CPNE8: variants seen among roughly 807,000 people sequenced by gnomAD.
CPNE8 encodes copine 8.
Under a neutral mutation model 81.5 loss-of-function variants are expected in CPNE8, and 45 were observed. The ratio of observed to expected loss-of-function variants is 0.55; its 90% CI spans 0.44 to 0.71. The LOEUF (loss-of-function observed/expected upper bound fraction) is 0.71, where lower values mean the gene tolerates loss of function less well. CPNE8 is among the 30% of genes least tolerant of loss of function. The pLI is 0.00. For synonymous variants in CPNE8, 252 were observed against 226.3 expected (o/e 1.11, Z -1.02); for missense variants, 594 against 672.1 (o/e 0.88, Z 1.28).
intron 11 of CPNE8, among the ~76,000 whole-genome samples, chr12:38,729,953 C>T (rs888240335): frequency 1.2e-4 from 15 of 127,074 alleles, no homozygotes; most frequent in African/African-American, 4.0e-4. Context: ...CACAAAAATG[C>T]TAATCTTCTT....
intron 3 of CPNE8, among the ~76,000 whole-genome samples, chr12:38,855,311 C>A (rs1393433854): frequency 1.3e-5 from 2 of 151,940 alleles, no homozygotes; most frequent in African/African-American, 4.8e-5. Flanking sequence ...GGCCATATTA[C>A]ATAAATGATG....
Position 38,754,544 on chromosome 12 carries a change from A to T in CPNE8, c.722+6303T>A, listed in dbSNP as rs140898196. On this transcript the variant is annotated intron_variant, in intron 10 of 19. Transcript: ENST00000331366. Reference sequence around the variant, plus strand: ...GAGTGCTCAATAACAATTTCTTCATAAATTAATTAATATAATTTCTATTGA... The same window carrying T: ...GAGTGCTCAATAACAATTTCTTCATTAATTAATTAATATAATTTCTATTGA... 4.7e-3 allele frequency among the ~76,000 whole-genome samples: 711 copies of T among 152,138 alleles called. 5 individuals are homozygous for T. Among genetic ancestry groups the T allele is most frequent in the African/African-American group, 0.016 (660 of 41,488 alleles).
intron 10 of CPNE8, among the ~76,000 whole-genome samples, chr12:38,741,335 T>C (rs1331977993): frequency 6.6e-6 from 1 of 152,022 alleles, no homozygotes; most frequent in East Asian, 1.9e-4. Context: ...AAAACAGAGA[T>C]ATAGACCAAT....
Position 38,806,341 on chromosome 12 carries a change from C to G in CPNE8, c.407+23038G>C, listed in dbSNP as rs1379359256. Among the ~76,000 whole-genome samples, 3 of 149,494 alleles carry G rather than the reference C, an allele frequency of 2.0e-5. 1 individual carries two copies. The highest frequency in any genetic ancestry group is 4.5e-5 in the Non-Finnish European group (3 of 67,188). On this transcript the variant is annotated intron_variant, in intron 6 of 19. Transcript: ENST00000331366. ...CCAATATCCTTGATGAACATTGATG[C>G]AAAAATCCTCAATAAAATACTGGCA...
chr12:38,766,849 AATTTTTTG>A (rs1941702048), intron 8 of CPNE8, among the ~76,000 whole-genome samples: 1 of 152,132 alleles, frequency 6.6e-6, no homozygotes, highest in Non-Finnish European at 1.5e-5. Context: ...CAAACTTAGT[AATTTTTTG>A]TATAGTAACT....
At chr12:38,719,311 G>C (rs954489362) in intron 13 of CPNE8, among the ~76,000 whole-genome samples, 4 of 152,050 alleles carry the variant, frequency 2.6e-5, no homozygotes, top group African/African-American at 4.8e-5. Context: ...TTTTAAATTT[G>C]TGCCCAATTT....
Position 38,799,587 on chromosome 12 carries a change from G to A in CPNE8, c.408-23286C>T, listed in dbSNP as rs930154455. Among the ~76,000 whole-genome samples the A allele has an allele frequency of 2.6e-5, 4 of 152,208 alleles. No individual in the cohort carries two copies. The South Asian group carries it at 8.3e-4, about 32-fold the overall frequency. On this transcript the variant is annotated intron_variant, in intron 6 of 19. Coordinates refer to ENST00000331366, the MANE Select transcript of CPNE8 (RefSeq NM_153634.3). ...TTTATAGCACTAAATGCCCACAAGA[G>A]AAAGCAGGAAAGATCCAAAACTGAC...
Position 38,902,460 on chromosome 12 carries a change from G to A in CPNE8, c.98+2977C>T, listed in dbSNP as rs113577151. ...AAGGAGAGAGAGAAAGAAAGATAAA[G>A]AATGAGAAAGAAAGAACCTATTCAA... On this transcript the variant is annotated intron_variant, in intron 1 of 19. Transcript: ENST00000331366. Among the ~76,000 whole-genome samples, 393 of 152,170 alleles carry A rather than the reference G, an allele frequency of 2.6e-3. 1 individual carries two copies. Among genetic ancestry groups the A allele is most frequent in the Non-Finnish European group, 4.3e-3 (292 of 67,980 alleles).
intron 13 of CPNE8, among the ~76,000 whole-genome samples, chr12:38,712,304 A>T (rs1178177259): frequency 6.6e-6 from 1 of 151,382 alleles, no homozygotes; most frequent in Non-Finnish European, 1.5e-5. Flanking sequence ...TCTTGGGTTT[A>T]ACAATCCCCG....
chr12:38,901,544 T>C (rs1239481750), intron 1 of CPNE8, among the ~76,000 whole-genome samples: 2 of 152,244 alleles, frequency 1.3e-5, no homozygotes, highest in African/African-American at 4.8e-5. Context: ...TACAGGCATT[T>C]TTAGTTAATT....
chr12:38,874,955 C>G (rs749110256), intron 1 of CPNE8, among the ~76,000 whole-genome samples: 1 of 152,144 alleles, frequency 6.6e-6, no homozygotes. Context: ...AATTAGAATA[C>G]AGTTGTGAAG....
intron 15 of CPNE8, among the ~76,000 whole-genome samples, chr12:38,688,056 G>T (rs1333491378): frequency 1.3e-5 from 2 of 152,124 alleles, no homozygotes; most frequent in African/African-American, 4.8e-5. Flanking sequence ...ACTCATTACT[G>T]ATTTTGGGCA....
intron 4 of CPNE8, among the ~76,000 whole-genome samples, chr12:38,848,352 C>CT (rs1943589687): frequency 6.6e-6 from 1 of 152,128 alleles, no homozygotes; most frequent in South Asian, 2.1e-4. Flanking sequence ...TCCTGCATGG[C>CT]TAAACTGCTC....
chr12:38,690,314 A>C (rs928620708), intron 15 of CPNE8, among the ~76,000 whole-genome samples: 18 of 152,210 alleles, frequency 1.2e-4, no homozygotes, highest in African/African-American at 4.3e-4. Flanking sequence ...TTAACACAGA[A>C]TACTTCAGCA....
intron 1 of CPNE8, among the ~76,000 whole-genome samples, chr12:38,880,314 T>C (rs73084092): frequency 0.031 from 4,717 of 152,346 alleles, 222 homozygotes; most frequent in African/African-American, 0.1. Context: ...TACCAAATGT[T>C]GCTTAGGCAG....
intron 16 of CPNE8, among the ~76,000 whole-genome samples, chr12:38,681,764 T>A (rs1247143730): frequency 6.6e-6 from 1 of 152,202 alleles, no homozygotes; most frequent in Non-Finnish European, 1.5e-5. Context: ...CCCTTACAAT[T>A]ACATGAGCCA....
intron 6 of CPNE8, among the ~76,000 whole-genome samples, chr12:38,821,456 A>G (rs1386910665): frequency 1.1e-4 from 16 of 152,212 alleles, no homozygotes; most frequent in Non-Finnish European, 7.3e-5. Flanking sequence ...CATTCGTAAA[A>G]TAATTTTTCC....
intron 1 of CPNE8, among the ~76,000 whole-genome samples, chr12:38,887,353 G>GA (rs1944251137): frequency 6.6e-6 from 1 of 151,904 alleles, no homozygotes; most frequent in South Asian, 2.1e-4. Context: ...AAAATCCAAG[G>GA]AAAAAAACTC....
intron 1 of CPNE8, among the ~76,000 whole-genome samples, chr12:38,879,108 T>G (rs1394789247): frequency 6.6e-6 from 1 of 152,174 alleles, no homozygotes; most frequent in African/African-American, 2.4e-5. Context: ...ATAAGTACCT[T>G]ATTGAGAGAG....
Sources: allele counts gnomAD v4.1 joint callset (sites outside exome capture counted in the v4.1 genomes callset), GRCh38; gene constraint gnomAD v4.1.1; transcripts MANE v1.5; gene names NCBI Gene and HGNC (gene_info 2026-07-23, HGNC 2026-07-21).